The following LRFN2 variants were observed in gnomAD, a reference collection of about 807,000 sequenced individuals.
The protein encoded by LRFN2 is leucine rich repeat and fibronectin type III domain containing 2, also known as leucine-rich repeat and fibronectin type-III domain-containing protein 2.
In LRFN2, 18 loss-of-function variants were observed where a neutral mutation model predicts 37.3. The observed-to-expected ratio is 0.48, with a 90% CI of 0.33 to 0.72. The LOEUF is 0.72. LRFN2 is among the 30% of genes least tolerant of loss of function. The pLI, the probability that LRFN2 is intolerant of heterozygous loss-of-function variation, is 0.02. For missense variants in LRFN2, 1,006 were observed against 1,060.7 expected, an observed-to-expected ratio of 0.95 and a Z score of 0.72; for synonymous variants, 556 against 466.6, an observed-to-expected ratio of 1.19 and a Z score of -2.47.
Position 40,392,627 on chromosome 6 carries a change from G to C in LRFN2, c.1686C>G (p.His562Gln). The change falls in exon 3 of 3, where the codon CAC (histidine) becomes CAG (glutamine). Residue 562 changes from histidine (H) to glutamine (Q), a missense_variant. By Grantham distance (24) the His-to-Gln change is conservative. Around this residue, in one of 4 missense-constraint regions of LRFN2, gnomAD observed 398 missense variants for 327.6 expected, o/e 1.21. Transcript: ENST00000338305. The surrounding 1 kb of genome is among the most constrained non-coding windows in gnomAD (Gnocchi z 4.7). ...CCGCTGCCATCTTGCTGGGGGCCTC[G>C]TGGTTGCAGACCTTGTAGCGCACCA... ...ILMVRYKVCN[H>Q]EAPSKMAAAV... 2 of 1,611,542 alleles carry C rather than the reference G, an allele frequency of 1.2e-6. No homozygotes were observed. Among genetic ancestry groups the C allele is most frequent in the Non-Finnish European group, 1.7e-6 (2 of 1,179,986 alleles).
At chr6:40,526,544 T>C (rs992086706) in intron 1 of LRFN2, among the ~76,000 whole-genome samples, 1 of 152,174 alleles carries the variant, frequency 6.6e-6, no homozygotes, top group African/African-American at 2.4e-5. Flanking sequence ...TCCCCTGCCC[T>C]GGAGCTCTGG....
At chr6:40,557,636 C>A (rs991596350) in intron 1 of LRFN2, among the ~76,000 whole-genome samples, 1 of 152,156 alleles carries the variant, frequency 6.6e-6, no homozygotes, top group Non-Finnish European at 1.5e-5. Context: ...AGAGATACCA[C>A]AGCCAGGACC....
At chr6:40,582,667 C>G (rs987285365) in intron 1 of LRFN2, among the ~76,000 whole-genome samples, 1 of 149,832 alleles carries the variant, frequency 6.7e-6, no homozygotes, top group Non-Finnish European at 1.5e-5. Context: ...TTCAGGGCCC[C>G]CATACCTTCT....
In LRFN2 at chr6:40,410,356, G is replaced by A. The variant is rs771527395; in HGVS notation, c.1401-17444C>T. On this transcript the variant is annotated intron_variant, in intron 2 of 2. Transcript: ENST00000338305. The stretch of plus-strand genomic sequence containing the variant: ...GGAGCACGGGGGAGGCAGGAGGAAG[G>A]GGATGGGATATTGGGGTTGTGGAAG... 2.6e-5 allele frequency among the ~76,000 whole-genome samples: 4 copies of A among 152,236 alleles called. 1 individual carries two copies. Among genetic ancestry groups the A allele is most frequent in the Admixed American group, 2.6e-4 (4 of 15,296 alleles).
At chr6:40,443,739 G>GA (rs1367516639) in intron 1 of LRFN2, among the ~76,000 whole-genome samples, 3 of 152,148 alleles carry the variant, frequency 2.0e-5, no homozygotes, top group Non-Finnish European at 4.4e-5. Context: ...GATGTTTGAT[G>GA]AAGGGACCAT....
intron 1 of LRFN2, among the ~76,000 whole-genome samples, chr6:40,586,338 C>A (rs898235659): frequency 6.6e-6 from 1 of 151,946 alleles, no homozygotes; most frequent in African/African-American, 2.4e-5. Flanking sequence ...TCTGATGCCC[C>A]AAGCTGCACA....
chr6:40,468,544 TACTAAAGAAAACTGTAATAAAAG>T (rs1259828365), intron 1 of LRFN2, among the ~76,000 whole-genome samples: 4 of 152,104 alleles, frequency 2.6e-5, no homozygotes, highest in Non-Finnish European at 5.9e-5. Context: ...CTTATTCCAT[TACTAAAGAAAACTGTAATAAAAG>T]TGGGTTATGT....
intron 1 of LRFN2, among the ~76,000 whole-genome samples, chr6:40,558,863 A>C (rs1267020564): frequency 6.6e-6 from 1 of 152,174 alleles, no homozygotes; most frequent in East Asian, 1.9e-4. Flanking sequence ...ATCACACAAC[A>C]ATCAGAGGCA....
intron 1 of LRFN2, among the ~76,000 whole-genome samples, chr6:40,453,600 T>G (rs1348391181): frequency 1.3e-5 from 2 of 151,760 alleles, no homozygotes; most frequent in East Asian, 3.9e-4. Context: ...TCTCTTTGCG[T>G]TGACTTTGAT....
At chr6:40,418,638 GC>G (rs1263217164) in intron 2 of LRFN2, among the ~76,000 whole-genome samples, 1 of 152,168 alleles carries the variant, frequency 6.6e-6, no homozygotes, top group Non-Finnish European at 1.5e-5. Flanking sequence ...ACAGGAGGAA[GC>G]CCAAAGTCAG....
chr6:40,481,433 T>C (rs1404242972), intron 1 of LRFN2, among the ~76,000 whole-genome samples: 5 of 107,308 alleles, frequency 4.7e-5, no homozygotes, highest in Non-Finnish European at 9.3e-5. Context: ...CAGAAAAAGA[T>C]TGTCTCAAAA....
In LRFN2 at chr6:40,433,085, G is replaced by A. The variant is rs1204556510; in HGVS notation, c.29C>T (p.Ala10Val). METLLGGLL[A>V]FGMAFAVVDA... ...GACCACGGCAAACGCCATGCCAAAC[G>A]CTAGCAGGCCACCAAGCAGGGTCTC... The change falls in exon 2 of 3, where the codon GCG (alanine) becomes GTG (valine). Residue 10 changes from alanine (A) to valine (V), a missense_variant. Physicochemically the swap from Ala to Val is moderately conservative, Grantham distance 64. This residue lies in a region of LRFN2 where 185 missense variants were observed against 254.9 expected (regional missense o/e 0.73). Coordinates refer to ENST00000338305, the MANE Select transcript of LRFN2 (RefSeq NM_020737.3). 3 of 1,527,304 alleles carry A rather than the reference G, an allele frequency of 2.0e-6. No homozygotes were observed. The highest frequency in any genetic ancestry group is 1.3e-5 in the South Asian group (1 of 76,274). The allele number at this position is 1,527,304 out of a possible 1,614,324, so 94.6% of individuals were successfully genotyped here.
At chr6:40,457,668 G>A (rs140210859) in intron 1 of LRFN2, among the ~76,000 whole-genome samples, 1,710 of 150,344 alleles carry the variant, frequency 0.011, 30 homozygotes, top group African/African-American at 0.039. Context: ...AAGAGAGGGA[G>A]AGAAAGGAGA....
chr6:40,487,131 G>C (rs905425918), intron 1 of LRFN2, among the ~76,000 whole-genome samples: 2 of 152,184 alleles, frequency 1.3e-5, no homozygotes, highest in African/African-American at 4.8e-5. Flanking sequence ...AAGACCACCA[G>C]GGGCCAGCCA....
At chr6:40,419,375 C>T (rs1475893070) in intron 2 of LRFN2, among the ~76,000 whole-genome samples, 3 of 152,150 alleles carry the variant, frequency 2.0e-5, no homozygotes, top group Non-Finnish European at 4.4e-5. Flanking sequence ...TCTGCTATCA[C>T]CATGAGAAGA....
Position 40,491,527 on chromosome 6 carries a change from C to T in LRFN2, c.-18-58396G>A, listed in dbSNP as rs1036808825. Among the ~76,000 whole-genome samples the T allele has an allele frequency of 9.7e-3, 1,291 of 132,426 alleles. 16 individuals are homozygous for T. Among genetic ancestry groups the T allele is most frequent in the African/African-American group, 0.033 (1,036 of 31,354 alleles). The allele number at this position is 132,426 out of a possible 152,430, so 86.9% of individuals were successfully genotyped here. A position where few individuals can be genotyped will look rare whatever the true frequency, so the allele number is the denominator to read the frequency against. On this transcript the variant is annotated intron_variant, in intron 1 of 2. Transcript: ENST00000338305. ...GTGTGTTTCCCTCACTCTATTTTGC[C>T]ATGTGACTGTGGGTAGGTAGGCAGT... is the stretch of plus-strand genomic sequence containing the variant.
At chr6:40,406,680 A>G (rs1344378628) in intron 2 of LRFN2, among the ~76,000 whole-genome samples, 1 of 152,226 alleles carries the variant, frequency 6.6e-6, no homozygotes, top group Non-Finnish European at 1.5e-5. Context: ...GTGGTCTGAC[A>G]GACTGCGTCT....
intron 1 of LRFN2, among the ~76,000 whole-genome samples, chr6:40,556,075 A>G (rs965492066): frequency 2.0e-5 from 3 of 152,124 alleles, no homozygotes; most frequent in Non-Finnish European, 4.4e-5. Flanking sequence ...GCTCTCCTCA[A>G]ATGCCACCCA....
chr6:40,515,788 G>A (rs1015228248), intron 1 of LRFN2, among the ~76,000 whole-genome samples: 10 of 151,696 alleles, frequency 6.6e-5, no homozygotes, highest in Admixed American at 5.9e-4. Context: ...AGGTACTCGG[G>A]AGGCTGAGGC....
Sources: gnomAD v4.1 joint callset for allele counts (sites outside exome capture counted in the v4.1 genomes callset) on GRCh38, gnomAD v4.1.1 for gene constraint, gnomAD v4.1.1 regional missense constraint, Gnocchi (gnomAD v3.1) non-coding constraint, MANE v1.5 for transcripts, NCBI Gene and HGNC (gene_info 2026-07-23, HGNC 2026-07-21) for gene names.